The following CSMD1 variants were observed in gnomAD, a reference collection of about 807,000 sequenced individuals.
The protein encoded by CSMD1 is CUB and Sushi multiple domains 1.
CSMD1 carries 213 observed loss-of-function variants against 417.5 expected under a neutral mutation model. The observed-to-expected ratio is 0.51, with a 90% CI of 0.46 to 0.57. CSMD1 has a LOEUF of 0.57. CSMD1 is among the 20% of genes least tolerant of loss of function. CSMD1 has a pLI of 0.00. For missense variants in CSMD1, 6,923 were observed against 4,529.7 expected, an observed-to-expected ratio of 1.53 and a Z score of -15.17; for synonymous variants, 2,862 against 1,736.8, an observed-to-expected ratio of 1.65 and a Z score of -16.11.
chr8:4,619,515 C>G (rs913865297), intron 2 of CSMD1, among the ~76,000 whole-genome samples: 1 of 152,116 alleles, frequency 6.6e-6, no homozygotes, highest in Non-Finnish European at 1.5e-5. Flanking sequence ...ATGTCACTAA[C>G]TCTGAGTCCA....
At chr8:4,357,651 ATAACTT>A (rs902762838) in intron 3 of CSMD1, among the ~76,000 whole-genome samples, 48 of 152,310 alleles carry the variant, frequency 3.2e-4, no homozygotes, top group African/African-American at 9.9e-4. Context: ...CAGGTTTCCT[ATAACTT>A]TAAAGTTTTC....
chr8:4,051,437 G>A (rs1429026405), intron 3 of CSMD1, among the ~76,000 whole-genome samples: 5 of 151,892 alleles, frequency 3.3e-5, no homozygotes, highest in Non-Finnish European at 5.9e-5. Flanking sequence ...GGTTGAAAAC[G>A]CTTTGGCAGA....
intron 1 of CSMD1, among the ~76,000 whole-genome samples, chr8:4,740,088 C>G (rs1810508873): frequency 6.6e-6 from 1 of 152,046 alleles, no homozygotes; most frequent in Admixed American, 6.6e-5. Context: ...AATCTGATGG[C>G]TCTCTGTCTC....
intron 3 of CSMD1, among the ~76,000 whole-genome samples, chr8:4,087,458 C>A (rs1046103591): frequency 1.3e-5 from 2 of 152,170 alleles, no homozygotes; most frequent in South Asian, 4.1e-4. Context: ...AACCACCCAA[C>A]TTCTGTCCCT....
chr8:4,447,515 G>C (rs1418868558), intron 2 of CSMD1, among the ~76,000 whole-genome samples: 2 of 152,144 alleles, frequency 1.3e-5, no homozygotes, highest in African/African-American at 4.8e-5. Flanking sequence ...TCTTTGGAGA[G>C]GCTCTAATCC....
chr8:3,803,558 G>T (rs1411184025), intron 5 of CSMD1, among the ~76,000 whole-genome samples: 1 of 152,182 alleles, frequency 6.6e-6, no homozygotes, highest in Non-Finnish European at 1.5e-5. Context: ...GGAGCCCACA[G>T]GTGGGAAAGG....
At chr8:4,834,255 T>C (rs542946615) in intron 1 of CSMD1, among the ~76,000 whole-genome samples, 1 of 152,222 alleles carries the variant, frequency 6.6e-6, no homozygotes, top group East Asian at 1.9e-4. Context: ...GTTTAGAAGG[T>C]AGGACATCAA....
chr8:3,996,611 C>CGTTT (rs1815243022), intron 5 of CSMD1, among the ~76,000 whole-genome samples: 1 of 152,106 alleles, frequency 6.6e-6, no homozygotes, highest in African/African-American at 2.4e-5. Flanking sequence ...ATAATTTAAA[C>CGTTT]AAATTCCTGA....
chr8:4,363,020 C>A (rs11787410), intron 3 of CSMD1, among the ~76,000 whole-genome samples: 89,120 of 152,022 alleles, frequency 0.59, 26,773 homozygotes, highest in African/African-American at 0.74. Context: ...TTTGAATTTT[C>A]AGTATTTACT....
intron 65 of CSMD1, among the ~76,000 whole-genome samples, chr8:2,951,562 G>A (rs1462541613): frequency 6.6e-6 from 1 of 151,622 alleles, no homozygotes; most frequent in Non-Finnish European, 1.5e-5. Context: ...CAAGCTCATG[G>A]GCTATGGTGA....
chr8:4,218,268 C>G (rs1178960743), intron 3 of CSMD1, among the ~76,000 whole-genome samples: 1 of 152,134 alleles, frequency 6.6e-6, no homozygotes, highest in Non-Finnish European at 1.5e-5. Context: ...TTGCGTGTGA[C>G]AATAGCAATA....
rs77925554 is a variant in CSMD1, at chr8:4,853,786, T to G, written c.85+140546A>C. ...CTCCAGCACATGAAAGCAGCCACACTGCACCCCACAAAGCCACAGTGGACC... is the reference window on the plus strand; with the variant it reads ...CTCCAGCACATGAAAGCAGCCACACGGCACCCCACAAAGCCACAGTGGACC... On this transcript the variant is annotated intron_variant, in intron 1 of 69. Coordinates refer to ENST00000635120, the MANE Select transcript of CSMD1 (RefSeq NM_033225.6). Among the ~76,000 whole-genome samples the G allele has an allele frequency of 1.6e-4, 25 of 152,266 alleles. No homozygotes were observed. In the East Asian group the frequency reaches 4.8e-3, roughly 29 times the overall value.
intron 3 of CSMD1, among the ~76,000 whole-genome samples, chr8:4,211,674 G>A (rs1347109446): frequency 6.6e-6 from 1 of 152,216 alleles, no homozygotes; most frequent in African/African-American, 2.4e-5. Context: ...ATCCTTAGCT[G>A]AAATGCAGAC....
At chr8:4,169,376 C>T (rs1009488454) in intron 3 of CSMD1, among the ~76,000 whole-genome samples, 6 of 152,058 alleles carry the variant, frequency 3.9e-5, no homozygotes, top group Non-Finnish European at 8.8e-5. Flanking sequence ...TCCACTTCCT[C>T]AGGCCAAAAA....
At chr8:3,907,862 G>A (rs1808214668) in intron 5 of CSMD1, among the ~76,000 whole-genome samples, 1 of 152,134 alleles carries the variant, frequency 6.6e-6, no homozygotes. Flanking sequence ...TGCGGTCCAG[G>A]CAAATAACTT....
At chr8:3,916,223 G>A (rs192104088) in intron 5 of CSMD1, among the ~76,000 whole-genome samples, 12 of 152,128 alleles carry the variant, frequency 7.9e-5, no homozygotes, top group East Asian at 3.9e-4. Flanking sequence ...GTTGCCAACC[G>A]GTCATTTATG....
intron 59 of CSMD1, among the ~76,000 whole-genome samples, chr8:2,964,864 G>A (rs151038153): frequency 7.9e-5 from 12 of 152,250 alleles, no homozygotes; most frequent in Non-Finnish European, 1.6e-4. Flanking sequence ...TTAAGCCTCT[G>A]CCACATTTAA....
rs535506410 is a variant in CSMD1 at position 4,986,641 on chromosome 8, C to T, written c.85+7691G>A. ...CGAACAGTATTTTTATATGAAAGAG[C>T]ATAATTATCCCCTGAAGTCTCCCCA... On this transcript the variant is annotated intron_variant, in intron 1 of 69. Coordinates refer to ENST00000635120, the MANE Select transcript of CSMD1 (RefSeq NM_033225.6). Among the ~76,000 whole-genome samples the T allele has an allele frequency of 2.6e-5, 4 of 151,984 alleles. No homozygotes were observed. In the South Asian group the frequency reaches 8.3e-4, roughly 32 times the overall value.
intron 40 of CSMD1, among the ~76,000 whole-genome samples, chr8:3,146,335 G>C (rs924035042): frequency 6.6e-6 from 1 of 151,896 alleles, no homozygotes; most frequent in African/African-American, 2.4e-5. Context: ...TCTGTGAAAA[G>C]GAAAGAAAAT....
Sources: allele counts gnomAD v4.1 joint callset (sites outside exome capture counted in the v4.1 genomes callset), GRCh38; gene constraint gnomAD v4.1.1; transcripts MANE v1.5; gene names NCBI Gene and HGNC (gene_info 2026-07-23, HGNC 2026-07-21).